Variants in MPPED2 observed in about 807,000 individuals in gnomAD.
MPPED2 encodes the protein metallophosphoesterase domain containing 2, also known as metallophosphoesterase MPPED2.
In MPPED2, 5 loss-of-function variants were observed where a neutral mutation model predicts 33.0. The observed-to-expected ratio is 0.15, with a 90% CI of 0.08 to 0.32. The LOEUF (loss-of-function observed/expected upper bound fraction) is 0.32, where lower values mean the gene tolerates loss of function less well. Ranked by LOEUF, MPPED2 falls within the 10% of genes least tolerant of loss-of-function variation. The probability of loss-of-function intolerance (pLI) is 1.00; values close to 1 mark genes in which losing one functional copy is unlikely to be tolerated. For missense variants in MPPED2, 275 were observed against 372.1 expected, an observed-to-expected ratio of 0.74 and a Z score of 2.15; for synonymous variants, 136 against 141.9, an observed-to-expected ratio of 0.96 and a Z score of 0.29.
intron 4 of MPPED2, among the ~76,000 whole-genome samples, chr11:30,488,972 T>A (rs1183750729): frequency 1.3e-5 from 2 of 152,080 alleles, no homozygotes; most frequent in African/African-American, 2.4e-5. Context: ...GTTTGCATAG[T>A]CTCATTCTTT....
At chr11:30,509,847 T>C (rs1187470470) in intron 3 of MPPED2, among the ~76,000 whole-genome samples, 1 of 152,196 alleles carries the variant, frequency 6.6e-6, no homozygotes, top group Non-Finnish European at 1.5e-5. Flanking sequence ...AAATGACTCC[T>C]CCAAGGTCAC....
chr11:30,570,426 A>C (rs1276469002), intron 2 of MPPED2, among the ~76,000 whole-genome samples: 1 of 152,148 alleles, frequency 6.6e-6, no homozygotes, highest in Non-Finnish European at 1.5e-5. Flanking sequence ...GCACTATCCA[A>C]GCAGAACCAG....
chr11:30,521,302 A>G (rs1953863432), intron 3 of MPPED2, among the ~76,000 whole-genome samples: 1 of 152,194 alleles, frequency 6.6e-6, no homozygotes, highest in South Asian at 2.1e-4. Flanking sequence ...GGATGTAACC[A>G]TATGTCTGGA....
chr11:30,558,898 G>T (rs1021045549), intron 2 of MPPED2, among the ~76,000 whole-genome samples: 2 of 151,920 alleles, frequency 1.3e-5, no homozygotes, highest in Non-Finnish European at 2.9e-5. Context: ...TCCTCATTTG[G>T]ACAATTACAG....
intron 4 of MPPED2, 21 bp from the exon 5 acceptor site, chr11:30,417,654 A>T: frequency 7.0e-7 from 1 of 1,435,718 alleles, no homozygotes; most frequent in Non-Finnish European, 9.8e-7. Flanking sequence ...GATAATGCAC[A>T]TGGTATCAGG....
intron 6 of MPPED2, among the ~76,000 whole-genome samples, chr11:30,390,793 G>A (rs753780582): frequency 1.9e-4 from 29 of 152,196 alleles, no homozygotes; most frequent in Middle Eastern, 3.2e-3. Flanking sequence ...AGGTTGAGAT[G>A]GCTGCCCCTC....
chr11:30,568,443 G>A (rs1016907865), intron 2 of MPPED2, among the ~76,000 whole-genome samples: 32 of 152,048 alleles, frequency 2.1e-4, no homozygotes, highest in African/African-American at 7.7e-4. Flanking sequence ...CATGGTTCCT[G>A]CAGCCTGTGG....
chr11:30,410,848 T>C lies in MPPED2; in HGVS notation c.*620A>G. ...AAAGAAACAAACAAACAATGAGACC[T>C]TGTATAACCACAATAGGAATCTCAC... On this transcript the variant is annotated 3_prime_UTR_variant, in exon 7 of 7. Transcript: ENST00000358117. 1 of 985,814 alleles carries C rather than the reference T, an allele frequency of 1.0e-6. No homozygotes were observed. The highest frequency in any genetic ancestry group is 1.2e-6 in the Non-Finnish European group (1 of 829,900). The allele number at this position is 985,814 out of a possible 1,614,324, so 61.1% of individuals were successfully genotyped here.
intron 4 of MPPED2, among the ~76,000 whole-genome samples, chr11:30,438,138 G>A (rs191395922): frequency 2.9e-4 from 44 of 152,256 alleles, no homozygotes; most frequent in African/African-American, 1.0e-3. Flanking sequence ...AATGAACAAA[G>A]TATATTGAGC....
At chr11:30,515,592 C>A (rs1953489431) in intron 3 of MPPED2, among the ~76,000 whole-genome samples, 2 of 152,136 alleles carry the variant, frequency 1.3e-5, no homozygotes, top group Admixed American at 6.5e-5. Context: ...AGTAGGTATG[C>A]AAAACAGCTT....
chr11:30,492,318 CAG>C (rs1161840591), intron 4 of MPPED2, among the ~76,000 whole-genome samples: 3 of 152,182 alleles, frequency 2.0e-5, no homozygotes, highest in Admixed American at 6.5e-5. Flanking sequence ...AGATTTGAAT[CAG>C]CTCAGATAAT....
intron 6 of MPPED2, among the ~76,000 whole-genome samples, chr11:30,391,488 G>T (rs144086336): frequency 6.6e-4 from 101 of 152,210 alleles, no homozygotes; most frequent in African/African-American, 2.3e-3. Context: ...ACATAAAATT[G>T]CTTGGGTTCG....
intron 4 of MPPED2, among the ~76,000 whole-genome samples, chr11:30,466,156 A>G (rs1327273229): frequency 1.3e-5 from 2 of 152,212 alleles, no homozygotes; most frequent in African/African-American, 4.8e-5. Context: ...TTGAATGACA[A>G]AAATGAAAGG....
At chr11:30,509,386 C>G (rs1255080340) in intron 3 of MPPED2, among the ~76,000 whole-genome samples, 12 of 152,108 alleles carry the variant, frequency 7.9e-5, no homozygotes. Flanking sequence ...ATTTTTCCAG[C>G]CTTTGTTCCC....
intron 3 of MPPED2, among the ~76,000 whole-genome samples, chr11:30,502,822 T>C (rs1039290215): frequency 1.3e-5 from 2 of 152,152 alleles, no homozygotes; most frequent in Non-Finnish European, 2.9e-5. Context: ...AAACGTGATC[T>C]CCTCTCTAGC....
intron 4 of MPPED2, among the ~76,000 whole-genome samples, chr11:30,434,981 C>A (rs1949261416): frequency 1.3e-5 from 2 of 152,146 alleles, no homozygotes; most frequent in South Asian, 4.2e-4. Flanking sequence ...TCAGAATCCC[C>A]AGTTTCAATA....
intron 4 of MPPED2, among the ~76,000 whole-genome samples, chr11:30,435,300 T>C (rs1949273982): frequency 6.6e-6 from 1 of 152,214 alleles, no homozygotes; most frequent in East Asian, 1.9e-4. Context: ...GTGAAATGTC[T>C]GCTAGCCAGT....
chr11:30,578,156 A>G (rs1418421589), intron 2 of MPPED2, among the ~76,000 whole-genome samples: 1 of 152,150 alleles, frequency 6.6e-6, no homozygotes, highest in African/African-American at 2.4e-5. Context: ...AGGAACCTAA[A>G]CTAGCTTTGA....
chr11:30,487,794 C>T (rs1452923345), intron 4 of MPPED2, among the ~76,000 whole-genome samples: 3 of 152,076 alleles, frequency 2.0e-5, no homozygotes, highest in African/African-American at 7.2e-5. Flanking sequence ...TTTTTAAACC[C>T]TAGTGTCTGA....
Sources: gnomAD v4.1 joint callset for allele counts (sites outside exome capture counted in the v4.1 genomes callset) on GRCh38, gnomAD v4.1.1 for gene constraint, MANE v1.5 for transcripts, NCBI Gene and HGNC (gene_info 2026-07-23, HGNC 2026-07-21) for gene names.